The following CXorf38 variants were observed in gnomAD, a reference collection of about 807,000 sequenced individuals.
The protein encoded by CXorf38 is uncharacterized protein CXorf38.
In CXorf38, 13 loss-of-function variants were observed where a neutral mutation model predicts 27.5. That is an observed-to-expected ratio of 0.47 (90% CI 0.31 to 0.75). The LOEUF is 0.75. Ranked by LOEUF, CXorf38 falls within the 30% of genes least tolerant of loss-of-function variation. The probability of loss-of-function intolerance (pLI) is 0.05; values close to 1 mark genes in which losing one functional copy is unlikely to be tolerated. For synonymous variants in CXorf38, 100 were observed against 99.8 expected, an observed-to-expected ratio of 1.00 and a Z score of -0.01; for missense variants, 240 against 253.2, an observed-to-expected ratio of 0.95 and a Z score of 0.35.
At chrX:40,635,227 AGAG>A (rs765904112) in intron 5 of CXorf38, among the ~76,000 whole-genome samples, 65 of 113,362 alleles carry the variant, frequency 5.7e-4, no homozygotes, top group South Asian at 1.1e-3. Flanking sequence ...GATTTAGAAA[AGAG>A]AAGATAAACA....
At chrX:40,644,963 T>C (rs897237142) in intron 2 of CXorf38, among the ~76,000 whole-genome samples, 20 of 111,086 alleles carry the variant, frequency 1.8e-4, no homozygotes, top group African/African-American at 6.2e-4. Flanking sequence ...GCAGAAAATG[T>C]CATCAGGACT....
chrX:40,629,643 C>T lies in CXorf38; in HGVS notation c.*521G>A, dbSNP rs1220711278. The T allele has an allele frequency of 1.8e-5, 2 of 111,635 alleles. No homozygotes were observed. Among genetic ancestry groups the T allele is most frequent in the African/African-American group, 3.3e-5 (1 of 30,712 alleles). 9.2% of individuals were successfully genotyped at this position (111,635 alleles called of 1,213,427 possible). On this transcript the variant is annotated 3_prime_UTR_variant, in exon 7 of 7. Transcript: ENST00000327877. ...TTTGTTTTTTTGGGAGACAGAATCT[C>T]GCTCTATTGCCCAGGCTGGAGTACA...
At chrX:40,640,219 C>T in intron 2 of CXorf38, 1 of 319,930 alleles carries the variant, frequency 3.1e-6, no homozygotes, top group South Asian at 2.8e-5. Flanking sequence ...GTCCCAGGTA[C>T]TCAAGAGGCT....
chrX:40,645,368 C>G (rs1424620946), intron 2 of CXorf38, among the ~76,000 whole-genome samples: 1 of 111,141 alleles, frequency 9.0e-6, no homozygotes, highest in Non-Finnish European at 1.9e-5. Flanking sequence ...CCAAGAGGAG[C>G]AAAGAGTGGT....
rs1038729291 is a variant in CXorf38, at chrX:40,629,563, T to G, written c.*601A>C. 4.5e-5 allele frequency: 5 copies of G among 111,856 alleles called. No homozygotes were observed. The highest frequency in any genetic ancestry group is 1.6e-4 in the African/African-American group (5 of 30,752). 9.2% of individuals were successfully genotyped at this position (111,856 alleles called of 1,213,427 possible). On this transcript the variant is annotated 3_prime_UTR_variant, in exon 7 of 7. Coordinates refer to ENST00000327877, the MANE Select transcript of CXorf38 (RefSeq NM_144970.3). ...CTACAGTTTAGTACCAGAAAAGAAA[T>G]TCACCTTTTAAATAGCAGAAAATCC...
At position 40,627,971 on chromosome X, in the gene CXorf38, A is replaced by G. The variant is rs979716622; in HGVS notation, c.*2193T>C. 1.8e-5 allele frequency: 2 copies of G among 112,351 alleles called. No individual in the cohort carries two copies. Among genetic ancestry groups the G allele is most frequent in the African/African-American group, 3.2e-5 (1 of 30,884 alleles). 9.3% of individuals were successfully genotyped at this position (112,351 alleles called of 1,213,427 possible). A position where few individuals can be genotyped will look rare whatever the true frequency, so the allele number is the denominator to read the frequency against. On this transcript the variant is annotated 3_prime_UTR_variant, in exon 7 of 7. Coordinates refer to ENST00000327877, the MANE Select transcript of CXorf38 (RefSeq NM_144970.3). ...GCGTTCATAACCCAAAGTTCCTAAA[A>G]TTAGAAGTCAGATCTTAAATTGGTT...
chrX:40,647,374 G>C lies in CXorf38; in HGVS notation c.147C>G (p.Ala49=), dbSNP rs1009828053. 1 of 1,171,160 alleles carries C rather than the reference G, an allele frequency of 8.5e-7. No homozygotes were observed. Among genetic ancestry groups the C allele is most frequent in the East Asian group, 3.3e-5 (1 of 30,306 alleles). ...EVLSFHRGLL[A]AAPGLGPRAV... Reference sequence around the variant, plus strand: ...CGCGGGGCCCCAGGCCGGGGGCTGCGGCGAGTAGGCCGCGGTGGAAGGAGA... The same window carrying C: ...CGCGGGGCCCCAGGCCGGGGGCTGCCGCGAGTAGGCCGCGGTGGAAGGAGA... The change falls in exon 1 of 7, where the codon GCC becomes GCG. Residue 49 remains alanine (A), a synonymous_variant. Coordinates refer to ENST00000327877, the MANE Select transcript of CXorf38 (RefSeq NM_144970.3).
chrX:40,631,200 C>T (rs1289649886), intron 5 of CXorf38, among the ~76,000 whole-genome samples: 2 of 101,253 alleles, frequency 2.0e-5, no homozygotes, highest in Non-Finnish European at 4.0e-5. Flanking sequence ...TTCATATATA[C>T]GTGTGTACAT....
At chrX:40,636,892 G>A in intron 4 of CXorf38, 115 bp downstream of exon 4, 1 of 856,353 alleles carries the variant, frequency 1.2e-6, no homozygotes, top group South Asian at 2.7e-5. Context: ...TCTTTCCCCT[G>A]CTTACATTCT....
At chrX:40,640,118 G>A in intron 2 of CXorf38, 1 of 280,249 alleles carries the variant, frequency 3.6e-6, no homozygotes, top group African/African-American at 2.8e-5. Context: ...GCAAAAGCAG[G>A]AGGATCGTTT....
At chrX:40,645,142 C>T (rs942609019) in intron 2 of CXorf38, among the ~76,000 whole-genome samples, 2 of 111,431 alleles carry the variant, frequency 1.8e-5, no homozygotes, top group Non-Finnish European at 3.8e-5. Flanking sequence ...CTCAAAGAGG[C>T]GGAAGTAGTA....
chrX:40,644,322 C>T (rs1462898440), intron 2 of CXorf38, among the ~76,000 whole-genome samples: 1 of 111,918 alleles, frequency 8.9e-6, no homozygotes, highest in Non-Finnish European at 1.9e-5. Flanking sequence ...ATCCAACACA[C>T]GAGTGGAGGT....
chrX:40,642,922 C>T (rs961371880), intron 2 of CXorf38, among the ~76,000 whole-genome samples: 23 of 106,372 alleles, frequency 2.2e-4, no homozygotes, highest in Non-Finnish European at 3.2e-4. Flanking sequence ...CAGGCACACA[C>T]CACCATAGCT....
intron 5 of CXorf38, among the ~76,000 whole-genome samples, chrX:40,634,257 G>C (rs1927961940): frequency 9.0e-6 from 1 of 111,409 alleles, no homozygotes; most frequent in Non-Finnish European, 1.9e-5. Flanking sequence ...CTGTTTAAGA[G>C]ATGGGGTCTC....
rs1394814986 is a variant in CXorf38, at chrX:40,627,073, T to C, written c.*3091A>G. On this transcript the variant is annotated 3_prime_UTR_variant, in exon 7 of 7. Coordinates refer to ENST00000327877, the MANE Select transcript of CXorf38 (RefSeq NM_144970.3). ...CTTCTAACTCTCCCCTCTACCTCAA[T>C]TCCCTTCAGAGGTAACACAGCAAAA... 1 of 110,738 alleles carries C rather than the reference T, an allele frequency of 9.0e-6. No individual in the cohort carries two copies. Among genetic ancestry groups the C allele is most frequent in the African/African-American group, 3.3e-5 (1 of 30,378 alleles). The allele number at this position is 110,738 out of a possible 1,213,427, so 9.1% of individuals were successfully genotyped here. A position where few individuals can be genotyped will look rare whatever the true frequency, so the allele number is the denominator to read the frequency against.
chrX:40,632,252 G>GC (rs924400417), intron 5 of CXorf38, among the ~76,000 whole-genome samples: 5 of 111,694 alleles, frequency 4.5e-5, no homozygotes, highest in African/African-American at 1.3e-4. Flanking sequence ...TCAGTGGGGT[G>GC]CCCCTCCACT....
At position 40,636,133 on chromosome X, in the gene CXorf38, T is replaced by TG. The variant is rs765919654; in HGVS notation, c.801+399dup. Among the ~76,000 whole-genome samples the TG allele has an allele frequency of 5.4e-4, 61 of 112,715 alleles. 2 individuals carry two copies. The highest frequency in any genetic ancestry group is 1.5e-3 in the African/African-American group (47 of 31,107). ...CTGCTTTTGCAAGTACTGTGCCCTCTGCCAAGAAGAATCTTTTTCTCTTGC... is the reference window on the plus strand; with the variant it reads ...CTGCTTTTGCAAGTACTGTGCCCTCTGGCCAAGAAGAATCTTTTTCTCTTGC... On this transcript the variant is annotated intron_variant, in intron 5 of 6. Coordinates refer to ENST00000327877, the MANE Select transcript of CXorf38 (RefSeq NM_144970.3).
intron 5 of CXorf38, among the ~76,000 whole-genome samples, chrX:40,633,109 T>C (rs1927902462): frequency 9.0e-6 from 1 of 110,912 alleles, no homozygotes; most frequent in African/African-American, 3.3e-5. Context: ...TCAGCCTGGC[T>C]ACCACCATCT....
At chrX:40,642,298 C>T (rs756937985) in intron 2 of CXorf38, among the ~76,000 whole-genome samples, 136 of 111,021 alleles carry the variant, frequency 1.2e-3, no homozygotes, top group African/African-American at 4.4e-3. Flanking sequence ...GCTCCACAGG[C>T]GATGGAGTGG....
Sources: allele counts gnomAD v4.1 joint callset (sites outside exome capture counted in the v4.1 genomes callset), GRCh38; gene constraint gnomAD v4.1.1; transcripts MANE v1.5; gene names NCBI Gene and HGNC (gene_info 2026-07-23, HGNC 2026-07-21).